The following DYM variants were observed in gnomAD, a reference collection of about 807,000 sequenced individuals.
The protein encoded by DYM is dyggve-Melchior-Clausen syndrome protein.
Under a neutral mutation model 93.1 loss-of-function variants are expected in DYM, and 78 were observed. That is an observed-to-expected ratio of 0.84 (90% confidence interval 0.70 to 1.01). DYM has a LOEUF of 1.01. DYM is among the 50% of genes least tolerant of loss of function. The probability of loss-of-function intolerance (pLI) is 0.00; values close to 1 mark genes in which losing one functional copy is unlikely to be tolerated. For missense variants in DYM, 789 were observed against 845.0 expected (o/e 0.93, Z 0.82); for synonymous variants, 321 against 319.7 (o/e 1.00, Z -0.04).
intron 1 of DYM, among the ~76,000 whole-genome samples, chr18:49,460,024 T>G (rs1430850724): frequency 2.0e-5 from 3 of 152,198 alleles, no homozygotes; most frequent in Non-Finnish European, 4.4e-5. Context: ...AGGGTTAATT[T>G]TCTGATATGT....
chr18:49,163,298 GAA>G (rs1329167025), intron 15 of DYM, among the ~76,000 whole-genome samples: 14 of 152,232 alleles, frequency 9.2e-5, no homozygotes, highest in African/African-American at 3.1e-4. Flanking sequence ...AAAATCTTGA[GAA>G]GAGAGGGGTA....
Position 49,271,016 on chromosome 18 carries a change from A to C in DYM, c.1251+1162T>G, listed in dbSNP as rs547069569. Among the ~76,000 whole-genome samples the C allele has an allele frequency of 1.4e-3, 211 of 152,290 alleles. 1 individual carries two copies. The highest frequency in any genetic ancestry group is 2.2e-3 in the Admixed American group (33 of 15,284). On this transcript the variant is annotated intron_variant, in intron 11 of 17. Transcript: ENST00000675505. ...CCAGAGAAAGAGACTATGTACAACA[A>C]GGTACAGTAAGTAAGACCTGCCCAC...
chr18:49,426,405 G>T (rs1211800299), intron 2 of DYM, among the ~76,000 whole-genome samples: 1 of 99,348 alleles, frequency 1.0e-5, no homozygotes, highest in Non-Finnish European at 1.9e-5. Context: ...GTGGGGTGGG[G>T]GGAGGGGGGA....
At chr18:49,112,013 C>T (rs2081441749) in intron 16 of DYM, among the ~76,000 whole-genome samples, 2 of 152,100 alleles carry the variant, frequency 1.3e-5, no homozygotes, top group African/African-American at 4.8e-5. Flanking sequence ...CTGCCCTTTA[C>T]CCAGAAGTAG....
At chr18:49,105,043 C>G (rs2080637385) in intron 16 of DYM, among the ~76,000 whole-genome samples, 1 of 152,038 alleles carries the variant, frequency 6.6e-6, no homozygotes, top group Non-Finnish European at 1.5e-5. Flanking sequence ...TGGTCCTGGA[C>G]TTTTTTTGGT....
chr18:49,410,851 T>C lies in DYM; in HGVS notation c.141-19206A>G, dbSNP rs536404586. Among the ~76,000 whole-genome samples, 8 of 152,256 alleles carry C rather than the reference T, an allele frequency of 5.3e-5. No homozygotes were observed. The South Asian group carries it at 1.0e-3, about 20-fold the overall frequency. ...TTGTGTTATACTTTAAAGAAATCAT[T>C]TTGACAAGGGAGAGGGGATTTAGAA... On this transcript the variant is annotated intron_variant, in intron 2 of 17. Coordinates refer to ENST00000675505, the MANE Select transcript of DYM (RefSeq NM_001353214.3).
intron 14 of DYM, among the ~76,000 whole-genome samples, chr18:49,200,789 T>C (rs772214634): frequency 1.3e-5 from 2 of 152,178 alleles, no homozygotes; most frequent in Non-Finnish European, 2.9e-5. Context: ...TTTTGATATA[T>C]GTATACATTG....
intron 10 of DYM, among the ~76,000 whole-genome samples, chr18:49,272,640 G>A (rs1193863939): frequency 6.6e-6 from 1 of 152,096 alleles, no homozygotes; most frequent in African/African-American, 2.4e-5. Context: ...TGGGAGTAGC[G>A]GGGAGAGCAC....
chr18:49,412,509 G>GA (rs2072387526), intron 2 of DYM, among the ~76,000 whole-genome samples: 1 of 152,074 alleles, frequency 6.6e-6, no homozygotes, highest in Admixed American at 6.6e-5. Flanking sequence ...CCCTCAATTT[G>GA]AAAAATATAA....
At chr18:49,215,192 C>A (rs1435415219) in intron 13 of DYM, among the ~76,000 whole-genome samples, 1 of 152,198 alleles carries the variant, frequency 6.6e-6, no homozygotes, top group Non-Finnish European at 1.5e-5. Context: ...ACACTACAGT[C>A]TTTAAATAGA....
Position 49,143,044 on chromosome 18 carries a change from T to C in DYM, c.1728+20641A>G, listed in dbSNP as rs558723349. Reference sequence around the variant, plus strand: ...CCATTCCTGAACAATGATAATCATATTTGAATACAATCATATGATCATACC... The same window carrying C: ...CCATTCCTGAACAATGATAATCATACTTGAATACAATCATATGATCATACC... On this transcript the variant is annotated intron_variant, in intron 15 of 17. Coordinates refer to ENST00000675505, the MANE Select transcript of DYM (RefSeq NM_001353214.3). 7.4e-4 allele frequency among the ~76,000 whole-genome samples: 113 copies of C among 152,354 alleles called. 2 individuals are homozygous for C. Among genetic ancestry groups the C allele is most frequent in the African/African-American group, 2.7e-3 (112 of 41,590 alleles).
chr18:49,130,727 T>G (rs189675021), intron 15 of DYM, among the ~76,000 whole-genome samples: 397 of 152,318 alleles, frequency 2.6e-3, no homozygotes, highest in Middle Eastern at 6.8e-3. Context: ...ACTTGGTAGG[T>G]GCTATGGCAG....
At chr18:49,153,564 C>G (rs2086058543) in intron 15 of DYM, among the ~76,000 whole-genome samples, 1 of 152,084 alleles carries the variant, frequency 6.6e-6, no homozygotes, top group African/African-American at 2.4e-5. Flanking sequence ...GCAGAGGACA[C>G]AACATGAAAG....
chr18:49,289,727 G>GTATATATATATATATATATATATATATA (rs386387632), intron 8 of DYM, among the ~76,000 whole-genome samples: 2 of 85,074 alleles, frequency 2.4e-5, no homozygotes, highest in African/African-American at 5.1e-5. Flanking sequence ...ATATATATGT[G>GTATATATATATATATATATATATATATA]TATATATATA....
intron 14 of DYM, among the ~76,000 whole-genome samples, chr18:49,196,734 G>C (rs1232378375): frequency 3.3e-5 from 5 of 152,156 alleles, no homozygotes. Flanking sequence ...AGAGAATGTA[G>C]CATCCTAAGG....
At chr18:49,352,757 T>A (rs1480848262) in intron 6 of DYM, among the ~76,000 whole-genome samples, 1 of 152,204 alleles carries the variant, frequency 6.6e-6, no homozygotes, top group Non-Finnish European at 1.5e-5. Flanking sequence ...TAGTTGAAGC[T>A]GACTCTTAAG....
intron 14 of DYM, among the ~76,000 whole-genome samples, chr18:49,194,601 C>T (rs1177284864): frequency 1.3e-5 from 2 of 152,040 alleles, no homozygotes; most frequent in African/African-American, 2.4e-5. Flanking sequence ...TTAATTTCTT[C>T]CATTTTTGAA....
intron 1 of DYM, among the ~76,000 whole-genome samples, chr18:49,433,130 G>C (rs9967417): frequency 0.68 from 103,731 of 152,026 alleles, 36,489 homozygotes; most frequent in East Asian, 0.99. Context: ...CACAGCCATG[G>C]AGCAGGCTGG....
intron 14 of DYM, among the ~76,000 whole-genome samples, chr18:49,201,404 C>G (rs936148117): frequency 2.6e-5 from 4 of 151,922 alleles, no homozygotes; most frequent in African/African-American, 9.7e-5. Context: ...GGTCTATTAC[C>G]TAAATTCAGA....
Sources: allele counts gnomAD v4.1 joint callset (sites outside exome capture counted in the v4.1 genomes callset), GRCh38; gene constraint gnomAD v4.1.1; transcripts MANE v1.5; gene names NCBI Gene and HGNC (gene_info 2026-07-23, HGNC 2026-07-21).